Variants in PITPNC1 observed in about 807,000 individuals in gnomAD.
PITPNC1 encodes the protein cytoplasmic phosphatidylinositol transfer protein 1.
In PITPNC1, 18 loss-of-function variants were observed where a neutral mutation model predicts 44.7. That is an observed-to-expected ratio of 0.40 (90% CI 0.28 to 0.60). The LOEUF is 0.60. Among genes scored for constraint, PITPNC1 ranks in the 20% least tolerant of loss-of-function variants. The pLI, the probability that PITPNC1 is intolerant of heterozygous loss-of-function variation, is 0.39. For synonymous variants in PITPNC1, 141 were observed against 149.6 expected, an observed-to-expected ratio of 0.94 and a Z score of 0.42; for missense variants, 290 against 418.4, an observed-to-expected ratio of 0.69 and a Z score of 2.68.
intron 1 of PITPNC1, among the ~76,000 whole-genome samples, chr17:67,402,564 C>G (rs1346166313): frequency 1.3e-5 from 2 of 152,066 alleles, no homozygotes; most frequent in East Asian, 3.9e-4. Flanking sequence ...TGTGTTCTGC[C>G]GAAAACAAGC....
chr17:67,432,459 G>A (rs903929851), intron 1 of PITPNC1, among the ~76,000 whole-genome samples: 6 of 152,114 alleles, frequency 3.9e-5, no homozygotes, highest in Admixed American at 6.6e-5. Context: ...AGCCGAGATT[G>A]CACCACTGCA....
intron 1 of PITPNC1, among the ~76,000 whole-genome samples, chr17:67,513,963 C>T (rs553368158): frequency 3.3e-5 from 5 of 151,068 alleles, no homozygotes; most frequent in Middle Eastern, 3.4e-3. Flanking sequence ...CTGTGCTCTT[C>T]GAAGCCCACC....
intron 2 of PITPNC1, among the ~76,000 whole-genome samples, chr17:67,545,183 A>G (rs962396954): frequency 1.3e-5 from 2 of 151,954 alleles, no homozygotes; most frequent in Non-Finnish European, 2.9e-5. Context: ...GTGGTAGCAC[A>G]CTCTTGTAGT....
intron 1 of PITPNC1, among the ~76,000 whole-genome samples, chr17:67,450,407 A>G (rs2039158962): frequency 2.0e-5 from 3 of 152,030 alleles, no homozygotes; most frequent in Admixed American, 2.0e-4. Context: ...AAATACGTAT[A>G]AGATAAAAAT....
At chr17:67,474,820 GCT>G (rs2039602635) in intron 1 of PITPNC1, among the ~76,000 whole-genome samples, 1 of 149,020 alleles carries the variant, frequency 6.7e-6, no homozygotes. Context: ...ATGCCCGGCG[GCT>G]TTTTTTTTTT....
At chr17:67,411,080 C>CT (rs1184293296) in intron 1 of PITPNC1, among the ~76,000 whole-genome samples, 2 of 66,606 alleles carry the variant, frequency 3.0e-5, no homozygotes, top group Non-Finnish European at 6.2e-5. Flanking sequence ...AGACTCCCAT[C>CT]TCAAAAAAAA....
chr17:67,433,231 G>A (rs1266076000), intron 1 of PITPNC1, among the ~76,000 whole-genome samples: 2 of 152,156 alleles, frequency 1.3e-5, no homozygotes, highest in African/African-American at 4.8e-5. Flanking sequence ...ATTTAGTTGG[G>A]CCAGACCAAG....
chr17:67,619,622 G>A (rs1030680710), intron 5 of PITPNC1, among the ~76,000 whole-genome samples: 6 of 152,152 alleles, frequency 3.9e-5, no homozygotes, highest in Non-Finnish European at 7.3e-5. Flanking sequence ...AGTGCCCGCA[G>A]ATGATGCTGA....
chr17:67,476,754 G>C (rs1192850149), intron 1 of PITPNC1, among the ~76,000 whole-genome samples: 1 of 152,066 alleles, frequency 6.6e-6, no homozygotes, highest in Non-Finnish European at 1.5e-5. Flanking sequence ...CAAAGTTCTG[G>C]CATTACAGGT....
intron 6 of PITPNC1, among the ~76,000 whole-genome samples, chr17:67,633,616 G>A (rs1172883217): frequency 6.6e-6 from 1 of 152,226 alleles, no homozygotes; most frequent in Non-Finnish European, 1.5e-5. Flanking sequence ...TTAAGATAAA[G>A]AAAGTTAAAC....
At chr17:67,407,050 T>A (rs567563224) in intron 1 of PITPNC1, among the ~76,000 whole-genome samples, 3 of 152,250 alleles carry the variant, frequency 2.0e-5, no homozygotes, top group African/African-American at 7.2e-5. Flanking sequence ...TGCTGGGTCA[T>A]GTGTAATTTT....
chr17:67,415,797 C>T (rs187072862), intron 1 of PITPNC1, among the ~76,000 whole-genome samples: 4 of 152,116 alleles, frequency 2.6e-5, no homozygotes, highest in Admixed American at 2.6e-4. Context: ...TTGTACTCTT[C>T]TTTCGTCTAG....
Position 67,379,071 on chromosome 17 carries a change from C to T in PITPNC1, c.48+869C>T, listed in dbSNP as rs1005241246. On this transcript the variant is annotated intron_variant, in intron 1 of 8. Coordinates refer to ENST00000581322, the MANE Select transcript of PITPNC1 (RefSeq NM_012417.4). ...ATAGGATTATTCCGGCCCCGGCTTC[C>T]CTTTCTTCCCCTTCTTCCTCCCCAC... 1.0e-5 allele frequency: 10 copies of T among 985,746 alleles called. No homozygotes were observed. In the African/African-American group the frequency reaches 1.6e-4, roughly 15 times the overall value. The allele number at this position is 985,746 out of a possible 1,614,324, so 61.1% of individuals were successfully genotyped here. A position where few individuals can be genotyped will look rare whatever the true frequency, so the allele number is the denominator to read the frequency against.
At chr17:67,562,330 G>A (rs2040916268) in intron 4 of PITPNC1, among the ~76,000 whole-genome samples, 1 of 152,180 alleles carries the variant, frequency 6.6e-6, no homozygotes, top group Admixed American at 6.5e-5. Flanking sequence ...AATACAAGCA[G>A]CTGTTTTCCG....
intron 4 of PITPNC1, among the ~76,000 whole-genome samples, chr17:67,575,717 A>G (rs2041131688): frequency 6.6e-6 from 1 of 151,830 alleles, no homozygotes; most frequent in Non-Finnish European, 1.5e-5. Context: ...AGATTGCTGA[A>G]CCCCACCTCC....
At chr17:67,460,064 A>G (rs1387831662) in intron 1 of PITPNC1, among the ~76,000 whole-genome samples, 2 of 152,146 alleles carry the variant, frequency 1.3e-5, no homozygotes, top group Admixed American at 6.6e-5. Flanking sequence ...AGGGCAGAAA[A>G]GGGGTTGAAG....
At position 67,586,631 on chromosome 17, in the gene PITPNC1, T is replaced by C. The variant is rs150392953; in HGVS notation, c.366+8374T>C. Among the ~76,000 whole-genome samples, 387 of 152,094 alleles carry C rather than the reference T, an allele frequency of 2.5e-3. 6 individuals are homozygous for C. The South Asian group carries it at 0.039, about 15-fold the overall frequency. ...AAAATGTATACTAAACTTGCGAAGA[T>C]TGTGCACAGGGTTCTCAAATACCCT... On this transcript the variant is annotated intron_variant, in intron 5 of 8. Transcript: ENST00000581322.
intron 7 of PITPNC1, among the ~76,000 whole-genome samples, chr17:67,672,815 A>T (rs1248848465): frequency 6.6e-6 from 1 of 152,096 alleles, no homozygotes; most frequent in Non-Finnish European, 1.5e-5. Flanking sequence ...TGAGTCGCTA[A>T]TGAGTATCTG....
chr17:67,520,580 T>A (rs888562629), intron 1 of PITPNC1, among the ~76,000 whole-genome samples: 24 of 152,138 alleles, frequency 1.6e-4, no homozygotes, highest in Non-Finnish European at 4.4e-5. Context: ...AGACACCAAG[T>A]GTATCTTGTT....
Sources: allele counts gnomAD v4.1 joint callset (sites outside exome capture counted in the v4.1 genomes callset), GRCh38; gene constraint gnomAD v4.1.1; transcripts MANE v1.5; gene names NCBI Gene and HGNC (gene_info 2026-07-23, HGNC 2026-07-21).